NARS2: variants seen among roughly 807,000 people sequenced by gnomAD.
NARS2 encodes the protein asparaginyl-tRNA synthetase.
NARS2 carries 60 observed loss-of-function variants against 62.9 expected under a neutral mutation model. That is an observed-to-expected ratio of 0.95 (90% CI 0.77 to 1.18). The LOEUF (loss-of-function observed/expected upper bound fraction) is 1.18. Among genes scored for constraint, NARS2 ranks in the 50% most tolerant of loss-of-function variants. The pLI, the probability that NARS2 is intolerant of heterozygous loss-of-function variation, is 0.00. For synonymous variants in NARS2, 196 were observed against 200.0 expected, an observed-to-expected ratio of 0.98 and a Z score of 0.17; for missense variants, 619 against 576.4, an observed-to-expected ratio of 1.07 and a Z score of -0.76.
At chr11:78,495,725 C>CT (rs1860029604) in intron 6 of NARS2, among the ~76,000 whole-genome samples, 1 of 152,210 alleles carries the variant, frequency 6.6e-6, no homozygotes, top group Non-Finnish European at 1.5e-5. Context: ...CCCTCAGTAC[C>CT]TAAAAGGGGT....
At chr11:78,540,253 CCT>C (rs1175232703) in intron 5 of NARS2, among the ~76,000 whole-genome samples, 3 of 152,166 alleles carry the variant, frequency 2.0e-5, no homozygotes, top group African/African-American at 4.8e-5. Flanking sequence ...TAAAATCCTC[CCT>C]GTTTCTTTGA....
intron 6 of NARS2, among the ~76,000 whole-genome samples, chr11:78,493,936 A>T (rs1859941308): frequency 6.6e-6 from 1 of 152,330 alleles, no homozygotes; most frequent in African/African-American, 2.4e-5. Context: ...TTTCATGTAG[A>T]TAAGGTGTGT....
intron 11 of NARS2, among the ~76,000 whole-genome samples, chr11:78,454,624 GTT>G (rs34684093): frequency 4.2e-5 from 6 of 141,692 alleles, no homozygotes; most frequent in Non-Finnish European, 4.7e-5. Context: ...AGTCTCAGGT[GTT>G]TTTTTTTTTT....
At chr11:78,534,386 G>A (rs1041823800) in intron 5 of NARS2, among the ~76,000 whole-genome samples, 1 of 152,072 alleles carries the variant, frequency 6.6e-6, no homozygotes, top group Non-Finnish European at 1.5e-5. Context: ...CGGATCACAT[G>A]GTTCATACAC....
chr11:78,530,111 T>A (rs1861426181), intron 5 of NARS2, among the ~76,000 whole-genome samples: 1 of 152,198 alleles, frequency 6.6e-6, no homozygotes, highest in Non-Finnish European at 1.5e-5. Flanking sequence ...ACTGCCTTTT[T>A]TTTTCAAACT....
chr11:78,515,432 C>A (rs1860869977), intron 6 of NARS2, among the ~76,000 whole-genome samples: 1 of 152,056 alleles, frequency 6.6e-6, no homozygotes, highest in Admixed American at 6.5e-5. Flanking sequence ...TTTGGAGTTT[C>A]TTTTTGGAGT....
At chr11:78,466,566 T>C (rs1591158369) in intron 10 of NARS2, among the ~76,000 whole-genome samples, 1 of 152,138 alleles carries the variant, frequency 6.6e-6, no homozygotes, top group Non-Finnish European at 1.5e-5. Flanking sequence ...CTGCAACCTC[T>C]GTCTCCCGGG....
At chr11:78,547,458 C>T (rs1052127210) in intron 5 of NARS2, among the ~76,000 whole-genome samples, 2 of 152,112 alleles carry the variant, frequency 1.3e-5, no homozygotes, top group Non-Finnish European at 2.9e-5. Context: ...CATTGAAATA[C>T]ATATATTGAT....
At chr11:78,452,832 AT>A (rs1858020622) in intron 11 of NARS2, among the ~76,000 whole-genome samples, 1 of 152,192 alleles carries the variant, frequency 6.6e-6, no homozygotes, top group South Asian at 2.1e-4. Context: ...ATAAACTTGA[AT>A]TTTTAAAAGT....
chr11:78,517,088 G>A lies in NARS2; in HGVS notation c.689+11754C>T, dbSNP rs569714243. 5.3e-5 allele frequency among the ~76,000 whole-genome samples: 8 copies of A among 152,300 alleles called. No individual in the cohort carries two copies. The South Asian group carries it at 1.7e-3, about 32-fold the overall frequency. ...CAGGCAAAAAAACAGCATATGCAAA[G>A]GAATACAAATGGGATGATGTGTGAA... On this transcript the variant is annotated intron_variant, in intron 6 of 13. Coordinates refer to ENST00000281038, the MANE Select transcript of NARS2 (RefSeq NM_024678.6).
At chr11:78,504,437 T>TGGTG (rs1555025738) in intron 6 of NARS2, among the ~76,000 whole-genome samples, 1 of 21,036 alleles carries the variant, frequency 4.8e-5, no homozygotes, top group African/African-American at 7.9e-5. Context: ...AACACCAGTT[T>TGGTG]TTTTTTTTTT....
At chr11:78,463,153 T>C (rs1334671147) in intron 11 of NARS2, among the ~76,000 whole-genome samples, 1 of 152,040 alleles carries the variant, frequency 6.6e-6, no homozygotes, top group Admixed American at 6.5e-5. Context: ...AAGCCTCGAG[T>C]TCCTAGGCTC....
At chr11:78,535,850 C>T (rs1165124673) in intron 5 of NARS2, among the ~76,000 whole-genome samples, 1 of 152,102 alleles carries the variant, frequency 6.6e-6, no homozygotes, top group African/African-American at 2.4e-5. Flanking sequence ...CTCCTGACCT[C>T]AGGTGATCCA....
chr11:78,512,885 T>C lies in NARS2; in HGVS notation c.689+15957A>G, dbSNP rs1220346231. Among the ~76,000 whole-genome samples the C allele has an allele frequency of 2.6e-5, 4 of 152,316 alleles. No homozygotes were observed. The East Asian group carries it at 7.7e-4, about 29-fold the overall frequency. ...CAGTAAAAATCACATCACGGAATAT[T>C]GGGTATCCATTTCCTCAAGCATTTA... On this transcript the variant is annotated intron_variant, in intron 6 of 13. Coordinates refer to ENST00000281038, the MANE Select transcript of NARS2 (RefSeq NM_024678.6).
At chr11:78,464,197 C>G (rs1450626746) in intron 11 of NARS2, among the ~76,000 whole-genome samples, 1 of 151,604 alleles carries the variant, frequency 6.6e-6, no homozygotes, top group Non-Finnish European at 1.5e-5. Context: ...TTCATTCCTC[C>G]CGGTGGGCTC....
In NARS2 at chr11:78,463,528, A is replaced by T. The variant is rs544529754; in HGVS notation, c.1164+2348T>A. On this transcript the variant is annotated intron_variant, in intron 11 of 13. Coordinates refer to ENST00000281038, the MANE Select transcript of NARS2 (RefSeq NM_024678.6). ...TGGTGAAACCCTGTCTCTACTAAAA[A>T]TACAAAAATCTGATGGGTGTGGCGG... 5.3e-4 allele frequency among the ~76,000 whole-genome samples: 81 copies of T among 152,248 alleles called. 1 individual carries two copies. Among genetic ancestry groups the T allele is most frequent in the African/African-American group, 1.8e-3 (75 of 41,558 alleles).
intron 7 of NARS2, 108 bp downstream of exon 7, chr11:78,492,952 CCTT>C: frequency 1.1e-6 from 1 of 887,036 alleles, no homozygotes; most frequent in South Asian, 1.7e-5. Context: ...AGTAGTTACC[CCTT>C]CTTTTCACTT....
chr11:78,460,662 G>C (rs1047050107), intron 11 of NARS2, among the ~76,000 whole-genome samples: 3 of 152,200 alleles, frequency 2.0e-5, no homozygotes, highest in African/African-American at 7.2e-5. Context: ...TGTACAATTA[G>C]ATGAATACAG....
chr11:78,457,049 T>C (rs970894361), intron 11 of NARS2, among the ~76,000 whole-genome samples: 7 of 152,206 alleles, frequency 4.6e-5, no homozygotes, highest in African/African-American at 7.2e-5. Flanking sequence ...AGGGAGAAAT[T>C]GAGGCTGAAA....
Sources: gnomAD v4.1 joint callset for allele counts (sites outside exome capture counted in the v4.1 genomes callset) on GRCh38, gnomAD v4.1.1 for gene constraint, MANE v1.5 for transcripts, NCBI Gene and HGNC (gene_info 2026-07-23, HGNC 2026-07-21) for gene names.